Variants in ARFIP1 observed in about 807,000 individuals in gnomAD.
ARFIP1 encodes ARF interacting protein 1.
Under a neutral mutation model 42.5 loss-of-function variants are expected in ARFIP1, and 24 were observed. The ratio of observed to expected loss-of-function variants is 0.57; its 90% CI spans 0.41 to 0.80. ARFIP1 has a LOEUF of 0.80. Ranked by LOEUF, ARFIP1 falls within the 30% of genes least tolerant of loss-of-function variation. ARFIP1 has a pLI of 0.00. For synonymous variants in ARFIP1, 141 were observed against 153.7 expected, an observed-to-expected ratio of 0.92 and a Z score of 0.61; for missense variants, 354 against 434.0, an observed-to-expected ratio of 0.82 and a Z score of 1.64.
At chr4:152,849,035 C>T (rs770285752) in intron 2 of ARFIP1, among the ~76,000 whole-genome samples, 1 of 152,140 alleles carries the variant, frequency 6.6e-6, no homozygotes, top group Non-Finnish European at 1.5e-5. Context: ...GATTGTTTAA[C>T]CCATACAAAT....
chr4:152,910,436 T>G lies in ARFIP1; in HGVS notation c.*217T>G, dbSNP rs927744063. On this transcript the variant is annotated 3_prime_UTR_variant, in exon 9 of 9. Transcript: ENST00000353617. ...TTTCTATAATCTGAACACAATAATT[T>G]TCCTTTTTGAGAAATCCTTTTGTAT... 18 of 442,148 alleles carry G rather than the reference T, an allele frequency of 4.1e-5. No individual in the cohort carries two copies. Among genetic ancestry groups the G allele is most frequent in the Non-Finnish European group, 4.9e-5 (13 of 265,812 alleles). The allele number at this position is 442,148 out of a possible 1,614,324, so 27.4% of individuals were successfully genotyped here. A position where few individuals can be genotyped will look rare whatever the true frequency, so the allele number is the denominator to read the frequency against.
chr4:152,855,184 A>C (rs1349081991), intron 2 of ARFIP1, among the ~76,000 whole-genome samples: 1 of 152,142 alleles, frequency 6.6e-6, no homozygotes, highest in East Asian at 1.9e-4. Flanking sequence ...TGGGTAGTCC[A>C]ACCTCAGGTC....
intron 2 of ARFIP1, among the ~76,000 whole-genome samples, chr4:152,853,363 G>T (rs1733151821): frequency 6.6e-6 from 1 of 152,174 alleles, no homozygotes; most frequent in South Asian, 2.1e-4. Context: ...CTGTCTACTG[G>T]TGATGAATTA....
intron 3 of ARFIP1, among the ~76,000 whole-genome samples, 160 bp downstream of exon 3, chr4:152,863,874 A>G (rs1734098758): frequency 6.6e-6 from 1 of 152,176 alleles, no homozygotes; most frequent in South Asian, 2.1e-4. Flanking sequence ...TAAGTAATAG[A>G]ATTATTTGAG....
At chr4:152,843,398 C>A (rs1305587147) in intron 2 of ARFIP1, among the ~76,000 whole-genome samples, 7 of 152,124 alleles carry the variant, frequency 4.6e-5, no homozygotes, top group African/African-American at 1.7e-4. Flanking sequence ...GATTGGCCTC[C>A]TGCCAGGAGA....
chr4:152,858,808 G>C (rs976250747), intron 2 of ARFIP1, among the ~76,000 whole-genome samples: 65 of 152,274 alleles, frequency 4.3e-4, no homozygotes, highest in African/African-American at 1.5e-3. Context: ...AGTGGTCATT[G>C]CTATGAGAAA....
At position 152,808,175 on chromosome 4, in the gene ARFIP1, T is replaced by C. The variant is rs560053858; in HGVS notation, c.-9-21450T>C. 2.8e-3 allele frequency among the ~76,000 whole-genome samples: 418 copies of C among 151,950 alleles called. 3 individuals are homozygous for C. Among genetic ancestry groups the C allele is most frequent in the African/African-American group, 9.8e-3 (406 of 41,474 alleles). ...TTGTATTTTTAGTGGAGACGGAGTT[T>C]CTCCATGTTGGTCAGGCTGGTCTTG... On this transcript the variant is annotated intron_variant, in intron 1 of 8. Coordinates refer to ENST00000353617, the MANE Select transcript of ARFIP1 (RefSeq NM_001025595.3).
intron 1 of ARFIP1, among the ~76,000 whole-genome samples, chr4:152,814,756 A>G (rs989322364): frequency 2.0e-5 from 3 of 152,180 alleles, no homozygotes; most frequent in African/African-American, 7.2e-5. Flanking sequence ...TAAGACTACA[A>G]CTTTCCCCCT....
At position 152,863,616 on chromosome 4, in the gene ARFIP1, A is replaced by G. The variant is rs1734067018; in HGVS notation, c.104A>G (p.His35Arg). 6.3e-7 allele frequency: 1 copy of G among 1,592,350 alleles called. No individual in the cohort carries two copies. Among genetic ancestry groups the G allele is most frequent in the Non-Finnish European group, 8.6e-7 (1 of 1,161,092 alleles). The change falls in exon 3 of 9, where the codon CAT becomes CGT. Residue 35 changes from histidine (H) to arginine (R), a missense_variant. His to Arg is a conservative substitution (Grantham distance 29, BLOSUM62 0). Coordinates refer to ENST00000353617, the MANE Select transcript of ARFIP1 (RefSeq NM_001025595.3). The part of the protein sequence containing the change: ...REHSFNRDLK[H>R]SLPSGLGLSE... ...TTAAATCTTGCTAAGGATTTGAAGC[A>G]TTCATTACCATCTGGACTTGGTCTC...
rs372824825 is a variant in ARFIP1, at chr4:152,870,865, T to C, written c.298+17T>C. ...TTCCTGCAGGTATTCACTGCACTGA[T>C]TGGATAAAGCACTTATTGCTACTGC... On this transcript the variant is annotated intron_variant, in intron 4 of 8. Transcript: ENST00000353617. 1.9e-6 allele frequency: 3 copies of C among 1,587,606 alleles called. No homozygotes were observed. In the African/African-American group the frequency reaches 4.0e-5, roughly 21 times the overall value.
intron 8 of ARFIP1, among the ~76,000 whole-genome samples, chr4:152,893,324 T>C (rs1286667695): frequency 6.6e-6 from 1 of 152,178 alleles, no homozygotes; most frequent in Non-Finnish European, 1.5e-5. Context: ...CAGAAATGCT[T>C]CTGTTTTCTG....
At chr4:152,801,458 G>A (rs1728411910) in intron 1 of ARFIP1, among the ~76,000 whole-genome samples, 1 of 152,146 alleles carries the variant, frequency 6.6e-6, no homozygotes, top group South Asian at 2.1e-4. Context: ...GATGTAGCTA[G>A]CAGCTAGGAT....
At chr4:152,893,651 C>CTT (rs1277854671) in intron 8 of ARFIP1, among the ~76,000 whole-genome samples, 3 of 152,060 alleles carry the variant, frequency 2.0e-5, no homozygotes, top group Admixed American at 6.5e-5. Flanking sequence ...CACTCCTACT[C>CTT]TAAGGTAATG....
chr4:152,882,901 G>T (rs1735959997), intron 7 of ARFIP1, 21 bp downstream of exon 7: 3 of 1,586,756 alleles, frequency 1.9e-6, no homozygotes, highest in Non-Finnish European at 2.6e-6. Flanking sequence ...CATTTTCACT[G>T]TGTTGTCTGT....
At chr4:152,790,399 C>T (rs1731076868) in intron 1 of ARFIP1, among the ~76,000 whole-genome samples, 1 of 152,184 alleles carries the variant, frequency 6.6e-6, no homozygotes, top group Non-Finnish European at 1.5e-5. Flanking sequence ...TGGAACTGAG[C>T]CATCTATGAA....
At chr4:152,880,886 G>C in intron 5 of ARFIP1, 77 bp from the exon 6 acceptor site, 2 of 1,126,810 alleles carry the variant, frequency 1.8e-6, no homozygotes, top group Non-Finnish European at 2.6e-6. Context: ...TCCAAAAAAT[G>C]GTGTATGCCA....
intron 7 of ARFIP1, among the ~76,000 whole-genome samples, chr4:152,886,495 C>A (rs540212124): frequency 6.6e-6 from 1 of 152,098 alleles, no homozygotes; most frequent in Non-Finnish European, 1.5e-5. Context: ...CCATGCTATT[C>A]TCTTCAGAAT....
At chr4:152,786,013 C>T (rs977885912) in intron 1 of ARFIP1, among the ~76,000 whole-genome samples, 49 of 152,094 alleles carry the variant, frequency 3.2e-4, no homozygotes, top group African/African-American at 1.0e-3. Context: ...TGTTGAACCA[C>T]GAGTTTAAAA....
chr4:152,896,149 T>C lies in ARFIP1; in HGVS notation c.966+7842T>C, dbSNP rs562024169. On this transcript the variant is annotated intron_variant, in intron 8 of 8. Coordinates refer to ENST00000353617, the MANE Select transcript of ARFIP1 (RefSeq NM_001025595.3). ...GAAAGAGAGAGGAGTAAGGTAAAGG[T>C]ATGTGATGGAAGGAGATTTTAATTA... Among the ~76,000 whole-genome samples, 28 of 148,130 alleles carry C rather than the reference T, an allele frequency of 1.9e-4. 1 individual carries two copies. The highest frequency in any genetic ancestry group is 7.4e-4 in the African/African-American group (28 of 37,828).
Sources: gnomAD v4.1 joint callset for allele counts (sites outside exome capture counted in the v4.1 genomes callset) on GRCh38, gnomAD v4.1.1 for gene constraint, MANE v1.5 for transcripts, NCBI Gene and HGNC (gene_info 2026-07-23, HGNC 2026-07-21) for gene names.